Variants in WDR27 observed in about 807,000 individuals in gnomAD.
WDR27 encodes WD repeat domain 27.
A neutral mutation model predicts 114.4 loss-of-function variants in WDR27; 100 were observed. The ratio of observed to expected loss-of-function variants is 0.87; its 90% confidence interval spans 0.74 to 1.03. The LOEUF (loss-of-function observed/expected upper bound fraction) is 1.03, where lower values mean the gene tolerates loss of function less well. WDR27 is among the 50% of genes least tolerant of loss of function. The probability of loss-of-function intolerance (pLI) is 0.00; values close to 1 mark genes in which losing one functional copy is unlikely to be tolerated. For synonymous variants in WDR27, 449 were observed against 423.1 expected, an observed-to-expected ratio of 1.06 and a Z score of -0.75; for missense variants, 1,129 against 1,092.9, an observed-to-expected ratio of 1.03 and a Z score of -0.47.
At chr6:169,539,141 A>G (rs1796539608) in intron 25 of WDR27, among the ~76,000 whole-genome samples, 1 of 152,176 alleles carries the variant, frequency 6.6e-6, no homozygotes, top group African/African-American at 2.4e-5. Flanking sequence ...TTGTACTAAC[A>G]GTGTACAAAG....
chr6:169,652,735 G>T (rs368879581), intron 13 of WDR27, among the ~76,000 whole-genome samples: 1 of 152,204 alleles, frequency 6.6e-6, no homozygotes, highest in Admixed American at 6.5e-5. Context: ...ACATCAACAT[G>T]TTAAAATTTA....
chr6:169,449,773 A>G, the WDR27 span, among the ~76,000 whole-genome samples: 1 of 152,200 alleles, frequency 6.6e-6, no homozygotes, highest in Admixed American at 6.5e-5. Flanking sequence ...CTAGGAAGGC[A>G]TTTCCGAATG....
At chr6:169,602,386 A>G (rs1477044027) in intron 22 of WDR27, 65 bp from the exon 23 acceptor site, 29 of 1,031,790 alleles carry the variant, frequency 2.8e-5, no homozygotes, top group Non-Finnish European at 3.9e-5. Flanking sequence ...ATTAGAGGAA[A>G]GAAAACAACT....
intron 25 of WDR27, among the ~76,000 whole-genome samples, chr6:169,480,337 C>G (rs1050440422): frequency 2.0e-5 from 3 of 152,206 alleles, no homozygotes; most frequent in African/African-American, 7.2e-5. Context: ...CTCCCGTGAG[C>G]TCCCACGTGG....
chr6:169,577,284 G>C (rs1413954450), intron 24 of WDR27, among the ~76,000 whole-genome samples: 1 of 152,136 alleles, frequency 6.6e-6, no homozygotes, highest in Non-Finnish European at 1.5e-5. Flanking sequence ...CTGAGGGCGG[G>C]GTCCGGGCAG....
chr6:169,701,958 A>G lies in WDR27; in HGVS notation c.-415T>C. The G allele has an allele frequency of 2.6e-6, 1 of 383,908 alleles. No individual in the cohort carries two copies. The highest frequency in any genetic ancestry group is 5.2e-6 in the Non-Finnish European group (1 of 190,790). 23.8% of individuals were successfully genotyped at this position (383,908 alleles called of 1,614,324 possible). On this transcript the variant is annotated 5_prime_UTR_variant, in exon 1 of 26. Transcript: ENST00000448612. The stretch of plus-strand genomic sequence containing the variant: ...CTCCCAGGAGGGCACGCAGAGGACT[A>G]CCGAGCCACACTCCGCCCCACGCTC...
intron 25 of WDR27, among the ~76,000 whole-genome samples, chr6:169,556,191 A>T (rs972593611): frequency 1.3e-5 from 2 of 152,092 alleles, no homozygotes; most frequent in African/African-American, 4.8e-5. Flanking sequence ...GGCCTCAGGG[A>T]GCTGATGATG....
At chr6:169,576,767 A>AC (rs778039900) in intron 24 of WDR27, among the ~76,000 whole-genome samples, 3 of 4,130 alleles carry the variant, frequency 7.3e-4, no homozygotes, top group South Asian at 0.013. Flanking sequence ...CCTTTCTCAC[A>AC]AAAAAAAAAA....
chr6:169,610,850 A>C (rs569896041), intron 22 of WDR27, among the ~76,000 whole-genome samples: 12 of 152,304 alleles, frequency 7.9e-5, no homozygotes, highest in Admixed American at 3.9e-4. Context: ...CTGTGAGTAC[A>C]CAAAGGCATA....
chr6:169,609,294 C>A (rs1170849251), intron 22 of WDR27, among the ~76,000 whole-genome samples: 4 of 152,188 alleles, frequency 2.6e-5, no homozygotes, highest in Non-Finnish European at 5.9e-5. Flanking sequence ...TGTGTGGAGG[C>A]TCTGACCCCA....
Position 169,638,565 on chromosome 6 carries a change from G to A in WDR27, c.1843C>T (p.Arg615Cys), listed in dbSNP as rs373407657. Residue 615 changes from arginine to cysteine, a missense_variant, in exon 18 of 26, where the codon CGT (arginine) becomes TGT (cysteine). Arg to Cys is a radical substitution (Grantham distance 180). Coordinates refer to ENST00000448612, the MANE Select transcript of WDR27 (RefSeq NM_182552.5). ...AGAAGCAGTGCGAGCTCTGCCCCAC[G>A]AGCCGACCACATTCGCAGGGTCCCG... ...RDGTLRMWSA[R>C]GAELALLLGK... 34 of 1,610,780 alleles carry A rather than the reference G, an allele frequency of 2.1e-5. No individual in the cohort carries two copies. The highest frequency in any genetic ancestry group is 1.1e-4 in the African/African-American group (8 of 74,866).
Position 169,483,375 on chromosome 6 carries a change from A to G in WDR27, c.2646-25741T>C, listed in dbSNP as rs116444818. Among the ~76,000 whole-genome samples, 530 of 152,354 alleles carry G rather than the reference A, an allele frequency of 3.5e-3. 3 individuals are homozygous for G. The highest frequency in any genetic ancestry group is 0.014 in the Middle Eastern group (4 of 294). On this transcript the variant is annotated intron_variant, in intron 25 of 25. Coordinates refer to ENST00000448612, the MANE Select transcript of WDR27 (RefSeq NM_182552.5). ...CACCACAGACATACAACCATCAGAG[A>G]CTACTATGAATACCTCTATGCATAC...
At chr6:169,615,164 A>T (rs1811504739) in intron 21 of WDR27, among the ~76,000 whole-genome samples, 1 of 152,202 alleles carries the variant, frequency 6.6e-6, no homozygotes, top group African/African-American at 2.4e-5. Context: ...CAAACAGACT[A>T]AACTCAACAA....
chr6:169,429,975 C>G, the WDR27 span, among the ~76,000 whole-genome samples: 1 of 152,186 alleles, frequency 6.6e-6, no homozygotes, highest in South Asian at 2.1e-4. Flanking sequence ...GATTTCCCTT[C>G]GAGTTGTGTT....
the WDR27 span, among the ~76,000 whole-genome samples, chr6:169,451,691 T>C: frequency 1.3e-5 from 2 of 152,244 alleles, no homozygotes; most frequent in Non-Finnish European, 2.9e-5. Context: ...ACGTTTGGTA[T>C]TGTCAATATG....
At chr6:169,502,410 T>C (rs939114080) in intron 25 of WDR27, among the ~76,000 whole-genome samples, 6 of 152,314 alleles carry the variant, frequency 3.9e-5, no homozygotes, top group African/African-American at 1.4e-4. Context: ...CTGTAGTTTT[T>C]TTGTTGCTGC....
the WDR27 span, among the ~76,000 whole-genome samples, chr6:169,433,911 A>G: frequency 1.3e-5 from 2 of 152,296 alleles, no homozygotes; most frequent in African/African-American, 4.8e-5. Context: ...GTCTGTTCAT[A>G]TCCTTCCCCC....
intron 21 of WDR27, among the ~76,000 whole-genome samples, chr6:169,618,081 A>C (rs1222501423): frequency 6.6e-6 from 1 of 152,186 alleles, no homozygotes; most frequent in African/African-American, 2.4e-5. Flanking sequence ...GAAGAAGAAA[A>C]GGGAGGGATG....
downstream of WDR27, among the ~76,000 whole-genome samples, chr6:169,455,891 T>A (rs556070506): frequency 1.3e-5 from 2 of 152,360 alleles, 1 homozygote; most frequent in East Asian, 3.9e-4. Context: ...TTTTACATAT[T>A]AGAGTTTTCT....
Sources: allele counts gnomAD v4.1 joint callset (sites outside exome capture counted in the v4.1 genomes callset), GRCh38; gene constraint gnomAD v4.1.1; transcripts MANE v1.5; gene names NCBI Gene and HGNC (gene_info 2026-07-23, HGNC 2026-07-21).